Variants in MED23 observed in about 807,000 individuals in gnomAD.
MED23 encodes mediator of RNA polymerase II transcription subunit 23.
MED23 carries 105 observed loss-of-function variants against 163.9 expected under a neutral mutation model. The observed-to-expected ratio is 0.64, with a 90% CI of 0.55 to 0.75. MED23 has a LOEUF of 0.75. Among genes scored for constraint, MED23 ranks in the 30% least tolerant of loss-of-function variants. The probability of loss-of-function intolerance (pLI) is 0.00; values close to 1 mark genes in which losing one functional copy is unlikely to be tolerated. For synonymous variants in MED23, 561 were observed against 565.6 expected, an observed-to-expected ratio of 0.99 and a Z score of 0.12; for missense variants, 1,054 against 1,649.0, an observed-to-expected ratio of 0.64 and a Z score of 6.25.
At position 131,603,127 on chromosome 6, in the gene MED23, T is replaced by C; in HGVS notation, c.1834A>G (p.Met612Val). Residue 612 changes from methionine to valine, a missense_variant, in exon 16 of 29, where the codon ATG (methionine) becomes GTG (valine). Physicochemically the swap from Met to Val is conservative, Grantham distance 21. This residue lies in a region of MED23 where 228 missense variants were observed against 461.3 expected (regional missense o/e 0.49). Transcript: ENST00000368068. ...CTGTAATGAGGCTGAATATGATGCA[T>C]CCGGTAGCTAAACATCTCAAGGAGT... ...HTLLEMFSYR[M>V]HHIQPHYRVQ... 1 of 1,613,920 alleles carries C rather than the reference T, an allele frequency of 6.2e-7. No individual in the cohort carries two copies. The highest frequency in any genetic ancestry group is 8.5e-7 in the Non-Finnish European group (1 of 1,179,872).
chr6:131,619,719 A>C (rs1562402593), intron 8 of MED23, 108 bp downstream of exon 8: 3 of 845,670 alleles, frequency 3.5e-6, no homozygotes, highest in Non-Finnish European at 5.9e-6. Flanking sequence ...AGTCACCAAA[A>C]TGACAAGCCA....
chr6:131,619,975 A>G, intron 7 of MED23, 79 bp from the exon 8 acceptor site: 1 of 865,086 alleles, frequency 1.2e-6, no homozygotes, highest in Non-Finnish European at 2.0e-6. Flanking sequence ...ATATATGAAC[A>G]TTTATATAAA....
At chr6:131,604,378 G>T in intron 14 of MED23, 58 bp from the exon 15 acceptor site, 1 of 1,537,478 alleles carries the variant, frequency 6.5e-7, no homozygotes, top group Middle Eastern at 1.7e-4. Flanking sequence ...AAACATAGGG[G>T]CTACTCTACT....
At chr6:131,582,613 A>G (rs1338586296), downstream of MED23, 1 of 1,608,820 alleles carries the variant, frequency 6.2e-7, no homozygotes, top group Non-Finnish European at 8.5e-7. Context: ...AAAACATTGT[A>G]ATTTTAGATT....
In MED23 at chr6:131,587,088, T is replaced by C. The variant is rs1287752713; in HGVS notation, c.*591A>G. The C allele has an allele frequency of 1.5e-6, 2 of 1,296,616 alleles. No individual in the cohort carries two copies. Among genetic ancestry groups the C allele is most frequent in the Admixed American group, 3.7e-5 (1 of 27,136 alleles). The allele number at this position is 1,296,616 out of a possible 1,614,324, so 80.3% of individuals were successfully genotyped here. The stretch of plus-strand genomic sequence containing the variant: ...AAGTTCAAGTCCATAGCAAAGGTAA[T>C]AAAACTGCCAGTTGACCTTGATAGA... On this transcript the variant is annotated 3_prime_UTR_variant, in exon 29 of 29. Coordinates refer to ENST00000368068, the MANE Select transcript of MED23 (RefSeq NM_004830.4).
intron 14 of MED23, among the ~76,000 whole-genome samples, chr6:131,604,583 A>C (rs1384627073): frequency 3.3e-5 from 5 of 152,152 alleles, no homozygotes; most frequent in Non-Finnish European, 5.9e-5. Flanking sequence ...AACTCATAAG[A>C]GCATGCTTGA....
chr6:131,581,006 G>A lies in MED23; in HGVS notation c.4095+6703C>T, dbSNP rs187266962. On this transcript the variant is annotated intron_variant, in intron 30 of 30. Coordinates refer to the MED23 transcript ENST00000354577. The stretch of plus-strand genomic sequence containing the variant: ...AAAAAATCACAGTTTTTTTAGTAAT[G>A]CAATCGATGTAAATATAACTAGTTA... Among the ~76,000 whole-genome samples, 691 of 152,240 alleles carry A rather than the reference G, an allele frequency of 4.5e-3. 2 individuals carry two copies. Among genetic ancestry groups the A allele is most frequent in the Non-Finnish European group, 7.0e-3 (478 of 68,018 alleles).
At position 131,602,198 on chromosome 6, in the gene MED23, T is replaced by C; in HGVS notation, c.2095+20A>G. 1 of 1,612,174 alleles carries C rather than the reference T, an allele frequency of 6.2e-7. No homozygotes were observed. The highest frequency in any genetic ancestry group is 8.5e-7 in the Non-Finnish European group (1 of 1,178,276). On this transcript the variant is annotated intron_variant, in intron 17 of 28. Coordinates refer to ENST00000368068, the MANE Select transcript of MED23 (RefSeq NM_004830.4). The stretch of plus-strand genomic sequence containing the variant: ...ACTTTAATTCATCTGTTGTTGTTTG[T>C]AGTCACATATTCACCGTACCTGTTA...
At chr6:131,609,967 C>A in intron 11 of MED23, 79 bp downstream of exon 11, 1 of 1,348,520 alleles carries the variant, frequency 7.4e-7, no homozygotes, top group South Asian at 1.2e-5. Flanking sequence ...GTTCTAAAAT[C>A]ACTAGGGAAT....
At position 131,627,446 on chromosome 6, in the gene MED23, G is replaced by A; in HGVS notation, c.109C>T (p.Leu37=). The A allele has an allele frequency of 6.2e-7, 1 of 1,613,158 alleles. No individual in the cohort carries two copies. The highest frequency in any genetic ancestry group is 2.2e-5 in the East Asian group (1 of 44,842). The change falls in exon 3 of 29, where the codon CTA becomes TTA. Residue 37 remains leucine (L), a synonymous_variant. Transcript: ENST00000368068. ...MDTPEDEKTK[L]ISCLGAFRQF... ...CTGAAGGCCCCCAAACAGCTAATTA[G>A]TTTTGTTTTCTCATCTTCAGGAGTA...
chr6:131,622,854 G>A (rs1434016426), intron 5 of MED23, among the ~76,000 whole-genome samples: 1 of 152,184 alleles, frequency 6.6e-6, no homozygotes, highest in East Asian at 1.9e-4. Context: ...GATGCAGAAT[G>A]GCTTTTGTAG....
chr6:131,605,232 G>A lies in MED23; in HGVS notation c.1613+8C>T, dbSNP rs1173377240. On this transcript the variant is annotated splice_region_variant and intron_variant, in intron 14 of 28. Transcript: ENST00000368068. ...TGACATGGAACCAAATTAATAAAAA[G>A]AACATACCTCATTTTGGCATGAACT... 1.9e-6 allele frequency: 3 copies of A among 1,612,888 alleles called. No individual in the cohort carries two copies. The Admixed American group carries it at 5.0e-5, about 27-fold the overall frequency.
intron 11 of MED23, 61 bp downstream of exon 11, chr6:131,609,985 G>A (rs2114697337): frequency 2.0e-6 from 3 of 1,471,964 alleles, no homozygotes; most frequent in South Asian, 1.1e-5. Context: ...AATGCCCACA[G>A]CAGTCTAAAA....
At chr6:131,583,929 A>C, downstream of MED23, 1 of 1,611,364 alleles carries the variant, frequency 6.2e-7, no homozygotes, top group South Asian at 1.1e-5. Context: ...ATCCGATATA[A>C]ATCTCATAGT....
At chr6:131,597,131 G>T (rs143134103) in intron 20 of MED23, among the ~76,000 whole-genome samples, 1,703 of 152,204 alleles carry the variant, frequency 0.011, 38 homozygotes, top group African/African-American at 0.038. Context: ...CACCGCCATA[G>T]AATTTTTTTC....
chr6:131,626,001 A>AGT (rs1399065272), intron 3 of MED23, among the ~76,000 whole-genome samples: 2 of 151,686 alleles, frequency 1.3e-5, no homozygotes, highest in African/African-American at 4.8e-5. Flanking sequence ...AGGTGCCTGT[A>AGT]GTCCCAGCTA....
chr6:131,622,190 G>A (rs928149772), intron 5 of MED23, among the ~76,000 whole-genome samples: 4 of 152,168 alleles, frequency 2.6e-5, no homozygotes, highest in Admixed American at 2.6e-4. Flanking sequence ...AATGAGCAAA[G>A]AAAGTCATTA....
chr6:131,598,120 A>AAAAAACAAAAAC lies in MED23; in HGVS notation c.2607+166_2607+167insGTTTTTGTTTTT. The stretch of plus-strand genomic sequence containing the variant: ...ACAAACAAAAAAACAAAAACAAACA[A>AAAAAACAAAAAC]AAACAGAAATTGGAAAATTTCCGGC... On this transcript the variant is annotated intron_variant, in intron 20 of 28. Coordinates refer to ENST00000368068, the MANE Select transcript of MED23 (RefSeq NM_004830.4). The surrounding 1 kb of genome is among the most constrained non-coding windows in gnomAD (Gnocchi z 4.7). 1 of 755,864 alleles carries AAAAAACAAAAAC rather than the reference A, an allele frequency of 1.3e-6. No individual in the cohort carries two copies. The highest frequency in any genetic ancestry group is 1.8e-5 in the African/African-American group (1 of 56,504). 46.8% of individuals were successfully genotyped at this position (755,864 alleles called of 1,614,324 possible). A position where few individuals can be genotyped will look rare whatever the true frequency, so the allele number is the denominator to read the frequency against.
At chr6:131,617,311 A>G (rs147087704) in intron 9 of MED23, among the ~76,000 whole-genome samples, 341 of 151,290 alleles carry the variant, frequency 2.3e-3, no homozygotes, top group African/African-American at 8.0e-3. Flanking sequence ...GCATAATGTT[A>G]GCTGGATTTT....
Sources: gnomAD v4.1 joint callset for allele counts (sites outside exome capture counted in the v4.1 genomes callset) on GRCh38, gnomAD v4.1.1 for gene constraint, gnomAD v4.1.1 regional missense constraint, Gnocchi (gnomAD v3.1) non-coding constraint, MANE v1.5 for transcripts, NCBI Gene and HGNC (gene_info 2026-07-23, HGNC 2026-07-21) for gene names.